The following PPT1 variants were observed in gnomAD, a reference collection of about 807,000 sequenced individuals.
PPT1 encodes ceroid-palmitoyl-palmitoyl-protein thioesterase 1.
A neutral mutation model predicts 44.0 loss-of-function variants in PPT1; 24 were observed. That is an observed-to-expected ratio of 0.54 (90% CI 0.39 to 0.77). PPT1 has a LOEUF of 0.77. Among genes scored for constraint, PPT1 ranks in the 30% least tolerant of loss-of-function variants. PPT1 has a pLI of 0.00. For synonymous variants in PPT1, 148 were observed against 140.2 expected, an observed-to-expected ratio of 1.06 and a Z score of -0.39; for missense variants, 341 against 378.8, an observed-to-expected ratio of 0.90 and a Z score of 0.83.
At chr1:40,094,041 G>A (rs1306832697) in intron 1 of PPT1, 3 of 691,166 alleles carry the variant, frequency 4.3e-6, no homozygotes, top group African/African-American at 1.8e-5. Flanking sequence ...AAACCAAAAA[G>A]CCCATATAGG....
chr1:40,094,439 G>GC (rs11380267), intron 1 of PPT1, among the ~76,000 whole-genome samples: 128,320 of 152,078 alleles, frequency 0.84, 54,408 homozygotes, highest in Non-Finnish European at 0.89. Flanking sequence ...CTGCTGTGTG[G>GC]CTAGTTCCTA....
chr1:40,074,468 T>A (rs1648497475), intron 8 of PPT1, among the ~76,000 whole-genome samples: 1 of 132,648 alleles, frequency 7.5e-6, no homozygotes, highest in African/African-American at 2.9e-5. Flanking sequence ...TCTGTCTCTC[T>A]TTCTCTTTCT....
intron 8 of PPT1, among the ~76,000 whole-genome samples, 198 bp from the exon 9 acceptor site, chr1:40,074,381 T>A (rs1012083829): frequency 6.6e-6 from 1 of 151,876 alleles, no homozygotes; most frequent in East Asian, 1.9e-4. Context: ...TCTTTCTCTT[T>A]CTTCCTTTCT....
In PPT1 at chr1:40,073,352, A is replaced by C. The variant is rs767547423; in HGVS notation, c.*709T>G. ...CCTCACTTTTCACTTTCGCGCCTACATTTTCTTCGCTCCCTAAGTTATACA... is the reference window on the plus strand; with the variant it reads ...CCTCACTTTTCACTTTCGCGCCTACCTTTTCTTCGCTCCCTAAGTTATACA... On this transcript the variant is annotated 3_prime_UTR_variant, in exon 9 of 9. Coordinates refer to ENST00000642050, the MANE Select transcript of PPT1 (RefSeq NM_000310.4). The C allele has an allele frequency of 1.1e-4, 17 of 152,294 alleles. No individual in the cohort carries two copies. Among genetic ancestry groups the C allele is most frequent in the Admixed American group, 3.9e-4 (6 of 15,274 alleles). 9.4% of individuals were successfully genotyped at this position (152,294 alleles called of 1,614,324 possible). A position where few individuals can be genotyped will look rare whatever the true frequency, so the allele number is the denominator to read the frequency against.
intron 1 of PPT1, chr1:40,096,795 C>G (rs956326611): frequency 1.0e-5 from 4 of 390,898 alleles, no homozygotes; most frequent in African/African-American, 8.2e-5. Flanking sequence ...GTCATATAGC[C>G]AGCCGCAGCT....
chr1:40,085,880 T>C (rs551124237), intron 5 of PPT1, among the ~76,000 whole-genome samples: 1 of 152,346 alleles, frequency 6.6e-6, no homozygotes, highest in African/African-American at 2.4e-5. Flanking sequence ...CTCTGAGGTA[T>C]GCCTGTAGTT....
chr1:40,076,394 G>C lies in PPT1; in HGVS notation c.798+448C>G, dbSNP rs61781912. Among the ~76,000 whole-genome samples the C allele has an allele frequency of 3.9e-3, 590 of 152,192 alleles. 15 individuals carry two copies. The highest frequency in any genetic ancestry group is 0.036 in the East Asian group (187 of 5,170). ...GCAGGAGAATTGCTTGAATCTGGGAGGCAGGGGTTGCAGTGAGCCAAGATT... is the reference window on the plus strand; with the variant it reads ...GCAGGAGAATTGCTTGAATCTGGGACGCAGGGGTTGCAGTGAGCCAAGATT... On this transcript the variant is annotated intron_variant, in intron 8 of 8. Transcript: ENST00000642050.
intron 8 of PPT1, chr1:40,076,593 C>G: frequency 7.5e-6 from 10 of 1,327,484 alleles, no homozygotes; most frequent in Non-Finnish European, 9.7e-6. Context: ...CATGAGGTTT[C>G]TCTTGTTGTT....
At chr1:40,088,143 C>CTTTT (rs869306144) in intron 5 of PPT1, among the ~76,000 whole-genome samples, 1 of 139,728 alleles carries the variant, frequency 7.2e-6, no homozygotes, top group African/African-American at 2.6e-5. Context: ...ACCATCAAAA[C>CTTTT]TTTTTTTTTT....
chr1:40,092,268 CAT>C (rs1433224692), intron 2 of PPT1, 96 bp from the exon 3 acceptor site: 1 of 1,566,102 alleles, frequency 6.4e-7, no homozygotes, highest in Non-Finnish European at 8.8e-7. Context: ...GGTATCCTCA[CAT>C]GAGCCACTCA....
chr1:40,091,970 G>A (rs759033894), intron 3 of PPT1, 75 bp downstream of exon 3: 4 of 1,552,946 alleles, frequency 2.6e-6, no homozygotes, highest in Non-Finnish European at 3.5e-6. Context: ...TGAATTGGAG[G>A]AGTGGATTTA....
chr1:40,092,041 G>A lies in PPT1; in HGVS notation c.362+4C>T, dbSNP rs534592472. On this transcript the variant is annotated splice_donor_region_variant and intron_variant, in intron 3 of 8. Transcript: ENST00000642050. ...GTGGTACAATATAACAAAAAGGAAC[G>A]TACAGAAATTGGCCTCCCTGGGAGA... 1.7e-5 allele frequency: 28 copies of A among 1,613,914 alleles called. No individual in the cohort carries two copies. The highest frequency in any genetic ancestry group is 1.5e-4 in the South Asian group (14 of 91,082).
At chr1:40,072,541 G>C (rs540108094), downstream of PPT1, 1 of 154,444 alleles carries the variant, frequency 6.5e-6, no homozygotes. Context: ...TTTTTGGTGG[G>C]AAGAGAGATT....
At chr1:40,076,456 C>A (rs1448212232) in intron 8 of PPT1, among the ~76,000 whole-genome samples, 2 of 152,116 alleles carry the variant, frequency 1.3e-5, no homozygotes, top group African/African-American at 4.8e-5. Flanking sequence ...CAGAGCGAGA[C>A]CCCGTCTCAA....
At position 40,078,608 on chromosome 1, in the gene PPT1, C is replaced by G. The variant is rs1481792811; in HGVS notation, c.678G>C (p.Val226=). 3 of 1,614,042 alleles carry G rather than the reference C, an allele frequency of 1.9e-6. No individual in the cohort carries two copies. Among genetic ancestry groups the G allele is most frequent in the Non-Finnish European group, 2.5e-6 (3 of 1,179,932 alleles). The change falls in exon 7 of 9, where the codon GTG becomes GTC. Residue 226 remains valine, a synonymous_variant. Coordinates refer to ENST00000642050, the MANE Select transcript of PPT1 (RefSeq NM_000310.4). The part of the protein sequence containing the change: ...KKNLMALKKF[V]MVKFLNDSIV... ...TGGAATCATTGAGGAATTTCACCAT[C>G]ACAAACTTCTTCAGGGCCATCAGGT...
rs566932238 is a variant in PPT1, at chr1:40,080,382, G to A, written c.627+15C>T. 8.7e-6 allele frequency: 14 copies of A among 1,611,140 alleles called. No homozygotes were observed. Among genetic ancestry groups the A allele is most frequent in the African/African-American group, 4.0e-5 (3 of 74,964 alleles). ...AAAGAACGCACATCTATGGGAGCCCGGTTTGGGTGCTTACCCGCTCCTGAT... is the reference window on the plus strand; with the variant it reads ...AAAGAACGCACATCTATGGGAGCCCAGTTTGGGTGCTTACCCGCTCCTGAT... On this transcript the variant is annotated intron_variant, in intron 6 of 8. Coordinates refer to ENST00000642050, the MANE Select transcript of PPT1 (RefSeq NM_000310.4).
intron 5 of PPT1, among the ~76,000 whole-genome samples, chr1:40,088,778 A>G (rs544277589): frequency 1.3e-5 from 2 of 152,326 alleles, no homozygotes; most frequent in East Asian, 3.9e-4. Flanking sequence ...TAATGACATA[A>G]AGAATCTGTC....
At chr1:40,079,028 T>C (rs1648784994) in intron 6 of PPT1, among the ~76,000 whole-genome samples, 1 of 152,180 alleles carries the variant, frequency 6.6e-6, no homozygotes, top group South Asian at 2.1e-4. Context: ...CAGTGTCTAT[T>C]GTTCCCATCT....
At chr1:40,085,321 C>A (rs537608032) in intron 5 of PPT1, among the ~76,000 whole-genome samples, 1 of 152,202 alleles carries the variant, frequency 6.6e-6, no homozygotes, top group Non-Finnish European at 1.5e-5. Flanking sequence ...CCAGTGGACA[C>A]GTGACCCATG....
Sources: gnomAD v4.1 joint callset for allele counts (sites outside exome capture counted in the v4.1 genomes callset) on GRCh38, gnomAD v4.1.1 for gene constraint, MANE v1.5 for transcripts, NCBI Gene and HGNC (gene_info 2026-07-23, HGNC 2026-07-21) for gene names.